Variants in CARS2 observed in about 807,000 individuals in gnomAD.
CARS2 encodes the protein cysteinyl-tRNA synthetase 2, mitochondrial.
A neutral mutation model predicts 68.8 loss-of-function variants in CARS2; 52 were observed. The observed-to-expected ratio is 0.76, with a 90% CI of 0.61 to 0.95. CARS2 has a LOEUF of 0.95. CARS2 is among the 40% of genes least tolerant of loss of function. CARS2 has a pLI of 0.00. For missense variants in CARS2, 780 were observed against 754.2 expected (o/e 1.03, Z -0.40); for synonymous variants, 314 against 303.6 (o/e 1.03, Z -0.36).
At chr13:110,713,046 G>C (rs749184874) in intron 1 of CARS2, 17 of 1,467,924 alleles carry the variant, frequency 1.2e-5, no homozygotes, top group Non-Finnish European at 1.4e-5. Context: ...CGCATGCGCC[G>C]CCACTTCCGC....
chr13:110,691,999 A>AT (rs1422673574), intron 3 of CARS2, among the ~76,000 whole-genome samples: 29 of 78,640 alleles, frequency 3.7e-4, no homozygotes, highest in African/African-American at 1.1e-3. Flanking sequence ...AAAAAAAAAA[A>AT]AAAAATATAT....
At chr13:110,681,760 T>A (rs75855275) in intron 6 of CARS2, among the ~76,000 whole-genome samples, 1 of 152,212 alleles carries the variant, frequency 6.6e-6, no homozygotes, top group Non-Finnish European at 1.5e-5. Context: ...AAACGAGCTC[T>A]CAGCCATGAA....
At chr13:110,700,578 G>A (rs2063755432) in intron 3 of CARS2, among the ~76,000 whole-genome samples, 2 of 152,200 alleles carry the variant, frequency 1.3e-5, no homozygotes, top group Non-Finnish European at 2.9e-5. Context: ...TCATTTTTCT[G>A]TAGATCTCAA....
At chr13:110,687,692 G>GA (rs552751411) in intron 5 of CARS2, 29 bp downstream of exon 5, 110,770 of 848,048 alleles carry the variant, frequency 0.13, 589 homozygotes, top group East Asian at 0.16. Flanking sequence ...AAAAAAAAAA[G>GA]AAAAAAAAAA....
intron 1 of CARS2, among the ~76,000 whole-genome samples, chr13:110,711,602 CTAGAA>C (rs1257818041): frequency 6.6e-6 from 1 of 152,228 alleles, no homozygotes; most frequent in Non-Finnish European, 1.5e-5. Flanking sequence ...TAGGCCAAGA[CTAGAA>C]TAGCGTGATC....
intron 6 of CARS2, among the ~76,000 whole-genome samples, chr13:110,679,511 C>T (rs56414424): frequency 0.089 from 12,383 of 139,786 alleles, 637 homozygotes; most frequent in East Asian, 0.17. Context: ...GCCTGAACAA[C>T]AAGAGTGACA....
intron 9 of CARS2, among the ~76,000 whole-genome samples, chr13:110,652,694 C>T (rs1466306704): frequency 6.6e-6 from 1 of 152,210 alleles, no homozygotes; most frequent in Admixed American, 6.5e-5. Flanking sequence ...GAGGGGCATT[C>T]TCATGTGGGG....
intron 14 of CARS2, 115 bp downstream of exon 14, chr13:110,642,200 T>G (rs1887433101): frequency 2.5e-6 from 2 of 802,908 alleles, no homozygotes; most frequent in African/African-American, 3.4e-5. Flanking sequence ...AGAGTGAAAC[T>G]CCGTCTCAAA....
intron 9 of CARS2, among the ~76,000 whole-genome samples, chr13:110,652,902 C>T (rs2062257534): frequency 6.6e-6 from 1 of 152,092 alleles, no homozygotes; most frequent in Admixed American, 6.5e-5. Flanking sequence ...TCAGTGTAGG[C>T]AGCAAACGCA....
chr13:110,709,746 C>A (rs7984468), upstream of CARS2, among the ~76,000 whole-genome samples: 95,074 of 150,912 alleles, frequency 0.63, 31,728 homozygotes, highest in South Asian at 0.77. Context: ...TTATATATAT[C>A]TATATCTCCA....
intron 9 of CARS2, among the ~76,000 whole-genome samples, chr13:110,658,861 G>A (rs1482555782): frequency 6.6e-6 from 1 of 152,124 alleles, no homozygotes; most frequent in East Asian, 1.9e-4. Flanking sequence ...CCTGGGAGGT[G>A]GAGGTTGCAG....
chr13:110,641,594 T>A lies in CARS2; in HGVS notation c.1638A>T (p.Thr546=). 6.2e-7 allele frequency: 1 copy of A among 1,613,906 alleles called. No individual in the cohort carries two copies. Among genetic ancestry groups the A allele is most frequent in the African/African-American group, 1.3e-5 (1 of 75,062 alleles). The change falls in exon 15 of 15, where the codon ACA becomes ACT. Residue 546 remains threonine (T), a synonymous_variant. Coordinates refer to ENST00000257347, the MANE Select transcript of CARS2 (RefSeq NM_024537.4). ...HGINIKDRSS[T]TSTWELLDQR... is the part of the protein sequence containing the mutation. ...GATCCAGCAGTTCCCACGTGGATGT[T>A]GTACTGCTTCTGTCCTGGAGAAGAA...
chr13:110,678,371 G>C (rs2063034357), intron 6 of CARS2, among the ~76,000 whole-genome samples: 1 of 152,090 alleles, frequency 6.6e-6, no homozygotes, highest in South Asian at 2.1e-4. Context: ...ACCAAAACCT[G>C]CTGTCCCATC....
chr13:110,683,485 C>T (rs901845015), intron 5 of CARS2, among the ~76,000 whole-genome samples: 1 of 152,190 alleles, frequency 6.6e-6, no homozygotes, highest in African/African-American at 2.4e-5. Context: ...TTGGACATAT[C>T]ATGAGTACAC....
intron 9 of CARS2, among the ~76,000 whole-genome samples, chr13:110,652,094 G>T (rs1411517604): frequency 1.3e-5 from 2 of 152,268 alleles, no homozygotes; most frequent in African/African-American, 4.8e-5. Flanking sequence ...CTCACCCCAT[G>T]CCTGTCCACT....
At chr13:110,703,815 C>T (rs2063860920) in intron 2 of CARS2, among the ~76,000 whole-genome samples, 1 of 152,260 alleles carries the variant, frequency 6.6e-6, no homozygotes, top group Non-Finnish European at 1.5e-5. Context: ...CACTGTAACT[C>T]ACCTGAAGCA....
Position 110,668,241 on chromosome 13 carries a change from G to A in CARS2, c.786-768C>T, listed in dbSNP as rs899416076. ...ACAGAAACACACGCTGTAGTGTGAC[G>A]TTCTAAGACTTTTACATCTTAGCCG... On this transcript the variant is annotated intron_variant, in intron 7 of 14. Coordinates refer to ENST00000257347, the MANE Select transcript of CARS2 (RefSeq NM_024537.4). The surrounding 1 kb of genome is among the most constrained non-coding windows in gnomAD (Gnocchi z 4.1). 3.3e-5 allele frequency among the ~76,000 whole-genome samples: 5 copies of A among 152,188 alleles called. No homozygotes were observed. Among genetic ancestry groups the A allele is most frequent in the Admixed American group, 2.6e-4 (4 of 15,282 alleles).
intron 10 of CARS2, among the ~76,000 whole-genome samples, chr13:110,647,448 G>A (rs1183125227): frequency 3.9e-5 from 6 of 152,248 alleles, no homozygotes; most frequent in East Asian, 3.9e-4. Flanking sequence ...GGCACCTGCC[G>A]TGGGAGAACA....
intron 5 of CARS2, among the ~76,000 whole-genome samples, chr13:110,683,632 A>C (rs1490515309): frequency 1.3e-5 from 2 of 152,056 alleles, no homozygotes; most frequent in Middle Eastern, 3.4e-3. Context: ...TAACAAAGAC[A>C]CTCTTTCTTT....
Sources: allele counts gnomAD v4.1 joint callset (sites outside exome capture counted in the v4.1 genomes callset), GRCh38; gene constraint gnomAD v4.1.1; non-coding constraint Gnocchi (gnomAD v3.1); transcripts MANE v1.5; gene names NCBI Gene and HGNC (gene_info 2026-07-23, HGNC 2026-07-21).